KAZN: variants seen among roughly 807,000 people sequenced by gnomAD.
KAZN encodes kazrin, periplakin interacting protein.
A neutral mutation model predicts 87.4 loss-of-function variants in KAZN; 40 were observed. The ratio of observed to expected loss-of-function variants is 0.46; its 90% CI spans 0.36 to 0.60. KAZN has a LOEUF of 0.60. Ranked by LOEUF, KAZN falls within the 20% of genes least tolerant of loss-of-function variation. The probability of loss-of-function intolerance (pLI) is 0.00; values close to 1 mark genes in which losing one functional copy is unlikely to be tolerated. For synonymous variants in KAZN, 466 were observed against 458.3 expected (o/e 1.02, Z -0.22); for missense variants, 898 against 1,073.9 (o/e 0.84, Z 2.29).
chr1:15,110,701 C>T (rs183192357), intron 13 of KAZN, among the ~76,000 whole-genome samples: 52 of 152,352 alleles, frequency 3.4e-4, no homozygotes, highest in African/African-American at 1.2e-3. Context: ...CCCACACGTG[C>T]GACCACTGTC....
chr1:14,331,454 T>C (rs936268689), intron 2 of KAZN, among the ~76,000 whole-genome samples: 1 of 152,194 alleles, frequency 6.6e-6, no homozygotes, highest in East Asian at 1.9e-4. Flanking sequence ...AGGTATGGCA[T>C]TGGAAGTGAG....
chr1:13,931,108 T>C (rs921964485), intron 1 of KAZN, among the ~76,000 whole-genome samples: 1 of 152,228 alleles, frequency 6.6e-6, no homozygotes, highest in Non-Finnish European at 1.5e-5. Context: ...CCTTGGTTTT[T>C]CTCCTGATTA....
chr1:14,643,925 T>C (rs949693067), intron 1 of KAZN, among the ~76,000 whole-genome samples: 2 of 152,120 alleles, frequency 1.3e-5, no homozygotes, highest in Admixed American at 1.3e-4. Flanking sequence ...CTCAGTGATA[T>C]TGAGCTTTTT....
At chr1:14,588,390 T>C (rs1675984543) in intron 2 of KAZN, among the ~76,000 whole-genome samples, 1 of 152,222 alleles carries the variant, frequency 6.6e-6, no homozygotes, top group Non-Finnish European at 1.5e-5. Context: ...TGAAGGTACA[T>C]GTTACTTTGA....
At chr1:14,092,183 C>A (rs914148592) in intron 1 of KAZN, among the ~76,000 whole-genome samples, 2 of 150,162 alleles carry the variant, frequency 1.3e-5, no homozygotes, top group African/African-American at 4.9e-5. Flanking sequence ...CTGCGCCTCC[C>A]GGGTTCATGA....
intron 2 of KAZN, among the ~76,000 whole-genome samples, chr1:14,234,548 TATAATAATA>T (rs532271975): frequency 6.6e-6 from 1 of 151,806 alleles, no homozygotes; most frequent in Admixed American, 6.6e-5. Flanking sequence ...GAACTTAAAG[TATAATAATA>T]ATAATAATAA....
intron 1 of KAZN, among the ~76,000 whole-genome samples, chr1:14,028,354 A>T (rs1339370370): frequency 6.6e-6 from 1 of 152,172 alleles, no homozygotes; most frequent in Non-Finnish European, 1.5e-5. Flanking sequence ...CTCATATTGT[A>T]GCCTGAGATG....
At chr1:14,494,327 G>T (rs1261908270) in intron 2 of KAZN, among the ~76,000 whole-genome samples, 2 of 152,182 alleles carry the variant, frequency 1.3e-5, no homozygotes, top group East Asian at 3.8e-4. Flanking sequence ...ACACAACCGT[G>T]GCTGGGCAGA....
At chr1:15,075,621 A>G (rs1639704336) in intron 8 of KAZN, among the ~76,000 whole-genome samples, 2 of 152,290 alleles carry the variant, frequency 1.3e-5, no homozygotes, top group South Asian at 4.1e-4. Flanking sequence ...TCTGTGGCTC[A>G]TATGACATCC....
At chr1:14,120,595 G>A (rs181670776) in intron 1 of KAZN, among the ~76,000 whole-genome samples, 1 of 152,168 alleles carries the variant, frequency 6.6e-6, no homozygotes, top group Non-Finnish European at 1.5e-5. Context: ...GAGGTACCTG[G>A]TCCAAATATA....
chr1:14,883,727 T>G (rs1653741703), intron 1 of KAZN, among the ~76,000 whole-genome samples: 1 of 152,176 alleles, frequency 6.6e-6, no homozygotes, highest in Admixed American at 6.5e-5. Flanking sequence ...AGGCAAGACC[T>G]TCCAGGCAAG....
In KAZN at chr1:15,049,790, C is replaced by T. The variant is rs146595267; in HGVS notation, c.726+5631C>T. Among the ~76,000 whole-genome samples, 1,181 of 152,136 alleles carry T rather than the reference C, an allele frequency of 7.8e-3. 17 individuals carry two copies. The highest frequency in any genetic ancestry group is 0.026 in the African/African-American group (1,092 of 41,500). On this transcript the variant is annotated intron_variant, in intron 4 of 14. Coordinates refer to ENST00000376030, the MANE Select transcript of KAZN (RefSeq NM_201628.3). ...TGTAATCCCAGCACTTTGGGGAGGCCGAGGCAGGTGGATCACCTGAGGTCA... is the reference window on the plus strand; with the variant it reads ...TGTAATCCCAGCACTTTGGGGAGGCTGAGGCAGGTGGATCACCTGAGGTCA...
Position 14,478,224 on chromosome 1 carries a change from AGAAGGAAG to A in KAZN, c.250-120743_250-120736del, listed in dbSNP as rs36051851. Among the ~76,000 whole-genome samples, 4 of 145,484 alleles carry A rather than the reference AGAAGGAAG, an allele frequency of 2.7e-5. No individual in the cohort carries two copies. The South Asian group carries it at 6.6e-4, about 24-fold the overall frequency. ...TGGATGGGTGGATAGATGGATGGAT[AGAAGGAAG>A]GAAGGAAGGAAGGAAAAGAAGGAAG... On this transcript the variant is annotated intron_variant, in intron 2 of 16. Coordinates refer to the KAZN transcript ENST00000636203.
chr1:14,922,659 G>A (rs913226227), intron 1 of KAZN, among the ~76,000 whole-genome samples: 12 of 152,146 alleles, frequency 7.9e-5, no homozygotes, highest in Admixed American at 1.3e-4. Flanking sequence ...GGGCATGGTG[G>A]CGGGCACCTG....
intron 1 of KAZN, among the ~76,000 whole-genome samples, chr1:14,090,597 TG>T (rs1643953971): frequency 6.6e-6 from 1 of 152,232 alleles, no homozygotes; most frequent in Non-Finnish European, 1.5e-5. Flanking sequence ...TTTCTGAGTC[TG>T]TTTATACTGG....
At chr1:14,935,095 G>A (rs1239438880) in intron 1 of KAZN, among the ~76,000 whole-genome samples, 3 of 152,164 alleles carry the variant, frequency 2.0e-5, no homozygotes, top group Non-Finnish European at 4.4e-5. Flanking sequence ...GTGCACCAGC[G>A]GCTGACCAAG....
At chr1:14,163,945 C>T (rs1434571307) in intron 1 of KAZN, among the ~76,000 whole-genome samples, 3 of 152,184 alleles carry the variant, frequency 2.0e-5, no homozygotes, top group Non-Finnish European at 4.4e-5. Flanking sequence ...TGAGGACCAA[C>T]AGGATTCTGC....
intron 1 of KAZN, among the ~76,000 whole-genome samples, chr1:14,127,486 A>G (rs1011847967): frequency 6.6e-6 from 1 of 150,962 alleles, no homozygotes; most frequent in Non-Finnish European, 1.5e-5. Context: ...TAAAGCCAGG[A>G]GGCCAGGAAA....
At chr1:14,855,618 C>T (rs539938645) in intron 1 of KAZN, among the ~76,000 whole-genome samples, 3 of 152,312 alleles carry the variant, frequency 2.0e-5, no homozygotes, top group East Asian at 3.9e-4. Flanking sequence ...GTCTTCCTTG[C>T]TCTTGGCATT....
Sources: gnomAD v4.1 joint callset for allele counts (sites outside exome capture counted in the v4.1 genomes callset) on GRCh38, gnomAD v4.1.1 for gene constraint, MANE v1.5 for transcripts, NCBI Gene and HGNC (gene_info 2026-07-23, HGNC 2026-07-21) for gene names.